Variants in CYSTM1 observed in about 807,000 individuals in gnomAD.
CYSTM1 encodes cysteine-rich transmembrane module-containing protein 1.
Under a neutral mutation model 13.1 loss-of-function variants are expected in CYSTM1, and 4 were observed. The observed-to-expected ratio is 0.31, with a 90% CI of 0.15 to 0.70. The LOEUF is 0.70. Among genes scored for constraint, CYSTM1 ranks in the 30% least tolerant of loss-of-function variants. The pLI is 0.72. For missense variants in CYSTM1, 96 were observed against 121.6 expected, an observed-to-expected ratio of 0.79 and a Z score of 0.99; for synonymous variants, 36 against 42.7, an observed-to-expected ratio of 0.84 and a Z score of 0.62.
intron 2 of CYSTM1, among the ~76,000 whole-genome samples, chr5:140,217,093 T>G (rs1764437657): frequency 6.6e-6 from 1 of 152,222 alleles, no homozygotes; most frequent in African/African-American, 2.4e-5. Flanking sequence ...CTTTTTTCTT[T>G]CTTTTTTAAG....
chr5:140,222,708 G>T (rs771765918), intron 2 of CYSTM1, among the ~76,000 whole-genome samples: 1 of 152,204 alleles, frequency 6.6e-6, no homozygotes, highest in Admixed American at 6.5e-5. Flanking sequence ...AAGGATGTTG[G>T]TGCTGCTCAT....
chr5:140,234,201 T>A (rs1254568883), intron 2 of CYSTM1, among the ~76,000 whole-genome samples: 1 of 152,190 alleles, frequency 6.6e-6, no homozygotes, highest in Non-Finnish European at 1.5e-5. Context: ...ATACCAATAT[T>A]TTTCAAAATG....
At chr5:140,193,633 A>G (rs1481664079) in intron 1 of CYSTM1, among the ~76,000 whole-genome samples, 1 of 152,224 alleles carries the variant, frequency 6.6e-6, no homozygotes, top group Non-Finnish European at 1.5e-5. Context: ...ACTTAAAGAG[A>G]TAATAGAAAC....
intron 2 of CYSTM1, chr5:140,228,918 TTTC>T (rs1316412007): frequency 2.5e-6 from 1 of 397,814 alleles, no homozygotes; most frequent in African/African-American, 2.1e-5. Flanking sequence ...CAATTTCCAT[TTTC>T]TTCTTTCTTT....
rs528923157 is a variant in CYSTM1 at position 140,220,756 on chromosome 5, A to T, written c.188-22549A>T. Among the ~76,000 whole-genome samples, 3 of 152,134 alleles carry T rather than the reference A, an allele frequency of 2.0e-5. No homozygotes were observed. In the South Asian group the frequency reaches 6.2e-4, roughly 32 times the overall value. Reference sequence around the variant, plus strand: ...ATGTGAGATATAGTTGGAGCAGTCTAGAAGAGTCTTCAAGCAGGAGGGCAG... The same window carrying T: ...ATGTGAGATATAGTTGGAGCAGTCTTGAAGAGTCTTCAAGCAGGAGGGCAG... On this transcript the variant is annotated intron_variant, in intron 2 of 2. Transcript: ENST00000261811.
intron 2 of CYSTM1, among the ~76,000 whole-genome samples, chr5:140,209,419 A>G (rs1260006308): frequency 7.1e-6 from 1 of 141,814 alleles, no homozygotes; most frequent in African/African-American, 2.7e-5. Flanking sequence ...GGCACACAAC[A>G]CCATGCCTGG....
intron 2 of CYSTM1, chr5:140,202,242 T>TAA (rs1397658421): frequency 6.6e-6 from 1 of 152,196 alleles, no homozygotes; most frequent in East Asian, 1.9e-4. Flanking sequence ...GGCCTGCTAA[T>TAA]ATTCTTAAGT....
At chr5:140,178,564 G>A (rs1449658870) in intron 1 of CYSTM1, among the ~76,000 whole-genome samples, 2 of 148,256 alleles carry the variant, frequency 1.3e-5, no homozygotes, top group Non-Finnish European at 3.0e-5. Flanking sequence ...GACTACAGGC[G>A]ACCATGCCTG....
At chr5:140,184,194 G>T (rs574974415) in intron 1 of CYSTM1, among the ~76,000 whole-genome samples, 3 of 152,284 alleles carry the variant, frequency 2.0e-5, no homozygotes, top group East Asian at 3.8e-4. Flanking sequence ...TGGGGTAATA[G>T]AATGCACTGT....
intron 2 of CYSTM1, among the ~76,000 whole-genome samples, chr5:140,242,349 C>CGA (rs1554070553): frequency 6.6e-6 from 1 of 152,092 alleles, no homozygotes; most frequent in Non-Finnish European, 1.5e-5. Context: ...GAGGCGCTGC[C>CGA]GAGAGAGGTC....
At chr5:140,176,845 G>T (rs1763891659) in intron 1 of CYSTM1, among the ~76,000 whole-genome samples, 1 of 152,028 alleles carries the variant, frequency 6.6e-6, no homozygotes, top group East Asian at 1.9e-4. Flanking sequence ...CGAGGCGGAC[G>T]GATCACGAGG....
chr5:140,223,583 T>C (rs1353470808), intron 2 of CYSTM1, among the ~76,000 whole-genome samples: 2 of 152,220 alleles, frequency 1.3e-5, no homozygotes, highest in Admixed American at 1.3e-4. Context: ...GTTACCTTAT[T>C]TTCCGGATGC....
Position 140,194,345 on chromosome 5 carries a change from C to T in CYSTM1, c.-20-101C>T, listed in dbSNP as rs1764126623. The T allele has an allele frequency of 6.2e-6, 7 of 1,135,444 alleles. No homozygotes were observed. The South Asian group carries it at 8.7e-5, about 14-fold the overall frequency. The allele number at this position is 1,135,444 out of a possible 1,614,324, so 70.3% of individuals were successfully genotyped here. On this transcript the variant is annotated intron_variant, in intron 1 of 2. Transcript: ENST00000261811. The stretch of plus-strand genomic sequence containing the variant: ...CTAGAGATTTGCACAAGGCTTGATA[C>T]ACCTTGAAGGTATTTTGTAAATGAT...
At chr5:140,208,988 G>A (rs529894046) in intron 2 of CYSTM1, among the ~76,000 whole-genome samples, 14 of 150,032 alleles carry the variant, frequency 9.3e-5, no homozygotes, top group African/African-American at 2.2e-4. Context: ...GCAGTGAGCC[G>A]AGATCACGCC....
At chr5:140,201,993 T>C (rs1764239897) in intron 2 of CYSTM1, 2 of 140,914 alleles carry the variant, frequency 1.4e-5, no homozygotes, top group South Asian at 4.5e-4. Flanking sequence ...TGGAGTGCAG[T>C]GGCGCAATCT....
At chr5:140,215,973 C>T (rs1581067733) in intron 2 of CYSTM1, among the ~76,000 whole-genome samples, 1 of 151,848 alleles carries the variant, frequency 6.6e-6, no homozygotes, top group East Asian at 1.9e-4. Context: ...AAACCCTGTC[C>T]CTACAAAAAA....
intron 2 of CYSTM1, among the ~76,000 whole-genome samples, chr5:140,207,089 G>C (rs1764307979): frequency 6.6e-6 from 1 of 152,212 alleles, no homozygotes; most frequent in African/African-American, 2.4e-5. Flanking sequence ...GACAGGGCCA[G>C]CATCTTTTAA....
intron 2 of CYSTM1, among the ~76,000 whole-genome samples, chr5:140,231,563 A>G (rs1199361955): frequency 6.6e-6 from 1 of 152,260 alleles, no homozygotes; most frequent in Non-Finnish European, 1.5e-5. Context: ...AATAATTGAC[A>G]TCATACTTCC....
Position 140,243,420 on chromosome 5 carries a change from GCCCAGCCGTCCTGTC to G in CYSTM1, c.*11_*25del. ...GGGACATGCTCACCTGACCAGACCA[GCCCAGCCGTCCTGTC>G]CTGCCAGCTCTGCTGCCACCTCTGA... On this transcript the variant is annotated 3_prime_UTR_variant, in exon 3 of 3. Coordinates refer to ENST00000261811, the MANE Select transcript of CYSTM1 (RefSeq NM_032412.4). 1 of 1,613,076 alleles carries G rather than the reference GCCCAGCCGTCCTGTC, an allele frequency of 6.2e-7. No homozygotes were observed.
Sources: allele counts gnomAD v4.1 joint callset (sites outside exome capture counted in the v4.1 genomes callset), GRCh38; gene constraint gnomAD v4.1.1; transcripts MANE v1.5; gene names NCBI Gene and HGNC (gene_info 2026-07-23, HGNC 2026-07-21).